IGSF21: variants seen among roughly 807,000 people sequenced by gnomAD.
The protein encoded by IGSF21 is immunoglobulin superfamily member 21.
IGSF21 carries 28 observed loss-of-function variants against 46.8 expected under a neutral mutation model. The ratio of observed to expected loss-of-function variants is 0.60; its 90% CI spans 0.44 to 0.82. IGSF21 has a LOEUF of 0.82. Among genes scored for constraint, IGSF21 ranks in the 40% least tolerant of loss-of-function variants. The pLI is 0.00. For synonymous variants in IGSF21, 284 were observed against 273.6 expected (o/e 1.04, Z -0.38); for missense variants, 624 against 665.5 (o/e 0.94, Z 0.69).
chr1:18,207,610 T>A (rs1006815179), intron 1 of IGSF21, among the ~76,000 whole-genome samples: 1 of 152,254 alleles, frequency 6.6e-6, no homozygotes, highest in Non-Finnish European at 1.5e-5. Context: ...AAAAGTGTTT[T>A]GCATGATGAA....
chr1:18,348,325 G>A (rs2085915727), intron 4 of IGSF21, among the ~76,000 whole-genome samples: 1 of 152,120 alleles, frequency 6.6e-6, no homozygotes, highest in Non-Finnish European at 1.5e-5. Context: ...AGCCCCCTGG[G>A]GCCCTCACCA....
At chr1:18,183,199 A>G (rs1185173915) in intron 1 of IGSF21, among the ~76,000 whole-genome samples, 2 of 152,232 alleles carry the variant, frequency 1.3e-5, no homozygotes, top group African/African-American at 2.4e-5. Flanking sequence ...TGCATGTCTG[A>G]ACCTGCTGGC....
chr1:18,176,923 C>T (rs565099535), intron 1 of IGSF21, among the ~76,000 whole-genome samples: 1 of 152,270 alleles, frequency 6.6e-6, no homozygotes, highest in East Asian at 1.9e-4. Context: ...TATTGAGCTC[C>T]TATTTGCTGG....
chr1:18,340,827 C>G (rs6668265), intron 4 of IGSF21, among the ~76,000 whole-genome samples: 18,002 of 152,014 alleles, frequency 0.12, 1,230 homozygotes, highest in East Asian at 0.31. Context: ...ATCATATGGC[C>G]TTCTCTCTCT....
intron 3 of IGSF21, among the ~76,000 whole-genome samples, chr1:18,307,643 A>G (rs2085440136): frequency 6.6e-6 from 1 of 152,206 alleles, no homozygotes; most frequent in Non-Finnish European, 1.5e-5. Context: ...CAGGCTTGGG[A>G]AAAGGGGATG....
intron 1 of IGSF21, among the ~76,000 whole-genome samples, chr1:18,195,058 T>C (rs1048276382): frequency 6.6e-5 from 10 of 152,184 alleles, no homozygotes; most frequent in Non-Finnish European, 1.5e-5. Flanking sequence ...ACAGCCCCCA[T>C]GATTCAATGA....
chr1:18,344,954 T>C (rs1386776400), intron 4 of IGSF21, among the ~76,000 whole-genome samples: 1 of 152,172 alleles, frequency 6.6e-6, no homozygotes, highest in Non-Finnish European at 1.5e-5. Context: ...GAGGGAGGCA[T>C]GGGCTGGCTG....
intron 1 of IGSF21, among the ~76,000 whole-genome samples, 156 bp downstream of exon 1, chr1:18,108,354 G>C (rs918153577): frequency 6.6e-6 from 1 of 152,164 alleles, no homozygotes; most frequent in Non-Finnish European, 1.5e-5. Flanking sequence ...ATGAGGGAGG[G>C]AGGACGCCTC....
At chr1:18,288,946 A>T (rs2085241447) in intron 2 of IGSF21, among the ~76,000 whole-genome samples, 1 of 152,226 alleles carries the variant, frequency 6.6e-6, no homozygotes. Flanking sequence ...AAACCAAAGG[A>T]AAACTAGTCT....
At chr1:18,275,842 ATTC>A (rs1291077479) in intron 2 of IGSF21, among the ~76,000 whole-genome samples, 1 of 151,960 alleles carries the variant, frequency 6.6e-6, no homozygotes, top group Non-Finnish European at 1.5e-5. Flanking sequence ...TTTGGGTGGA[ATTC>A]TTCTTCAGCT....
intron 4 of IGSF21, among the ~76,000 whole-genome samples, chr1:18,341,228 G>A (rs1460258305): frequency 1.3e-5 from 2 of 151,010 alleles, no homozygotes; most frequent in South Asian, 4.2e-4. Context: ...GCCTCCCAAA[G>A]TGCTACAGGC....
In IGSF21 at chr1:18,117,922, G is replaced by C. The variant is rs76523153; in HGVS notation, c.70+9724G>C. On this transcript the variant is annotated intron_variant, in intron 1 of 9. Transcript: ENST00000251296. ...TTGTTGCATGCACTGAGCATGATGT[G>C]GGGGGCAGGTCTTCTCCTTCAATGT... is the stretch of plus-strand genomic sequence containing the variant. Among the ~76,000 whole-genome samples the C allele has an allele frequency of 9.8e-3, 1,491 of 152,294 alleles. 11 individuals carry two copies. The highest frequency in any genetic ancestry group is 0.017 in the Non-Finnish European group (1,186 of 68,022).
At chr1:18,140,992 C>T (rs569791540) in intron 1 of IGSF21, among the ~76,000 whole-genome samples, 4 of 152,308 alleles carry the variant, frequency 2.6e-5, no homozygotes, top group South Asian at 2.1e-4. Flanking sequence ...ACCCAGCAAA[C>T]GTGGCACAAT....
At chr1:18,190,676 G>A (rs2086946866) in intron 1 of IGSF21, among the ~76,000 whole-genome samples, 1 of 152,180 alleles carries the variant, frequency 6.6e-6, no homozygotes, top group Admixed American at 6.5e-5. Context: ...TTCTTTCCCT[G>A]CAGGGTGCTC....
At chr1:18,341,298 T>TA (rs1041067258) in intron 4 of IGSF21, among the ~76,000 whole-genome samples, 5 of 152,062 alleles carry the variant, frequency 3.3e-5, no homozygotes, top group Non-Finnish European at 5.9e-5. Context: ...GTCATTGAAT[T>TA]AGGACTCACC....
chr1:18,365,236 G>C lies in IGSF21; in HGVS notation c.554G>C (p.Arg185Pro). Residue 185 changes from arginine (R) to proline (P), a missense_variant, in exon 6 of 10, where the codon CGA (arginine) becomes CCA (proline). Arg to Pro is a moderately radical substitution (Grantham distance 103). Coordinates refer to ENST00000251296, the MANE Select transcript of IGSF21 (RefSeq NM_032880.5). The surrounding 1 kb of genome is among the most constrained non-coding windows in gnomAD (Gnocchi z 4.8). ...TTACAATGGCAGGTTTATTTCAAAC[G>C]AGATGGGGAACCAATCGACGCAGTG... is the stretch of plus-strand genomic sequence containing the variant. ...GKPAPMVYFK[R>P]DGEPIDAVPL... 1.3e-6 allele frequency: 2 copies of C among 1,599,422 alleles called. No homozygotes were observed. The highest frequency in any genetic ancestry group is 1.7e-6 in the Non-Finnish European group (2 of 1,170,902).
intron 1 of IGSF21, among the ~76,000 whole-genome samples, chr1:18,144,309 C>T (rs1557555534): frequency 1.3e-5 from 2 of 152,142 alleles, no homozygotes; most frequent in African/African-American, 4.8e-5. Context: ...AGGCGGCTCA[C>T]AGACCTCCAT....
intron 2 of IGSF21, among the ~76,000 whole-genome samples, chr1:18,288,490 C>A (rs1489571479): frequency 6.6e-6 from 1 of 152,178 alleles, no homozygotes; most frequent in Non-Finnish European, 1.5e-5. Flanking sequence ...ATTTCCTTCT[C>A]GGCCGTGAGG....
At chr1:18,204,408 A>G (rs1387492474) in intron 1 of IGSF21, among the ~76,000 whole-genome samples, 1 of 152,242 alleles carries the variant, frequency 6.6e-6, no homozygotes. Context: ...ATCCAAAGGA[A>G]TCTAAAACGA....
Sources: gnomAD v4.1 joint callset for allele counts (sites outside exome capture counted in the v4.1 genomes callset) on GRCh38, gnomAD v4.1.1 for gene constraint, Gnocchi (gnomAD v3.1) non-coding constraint, MANE v1.5 for transcripts, NCBI Gene and HGNC (gene_info 2026-07-23, HGNC 2026-07-21) for gene names.